Variants in ANKMY2 observed in about 807,000 individuals in gnomAD.
ANKMY2 encodes the protein ankyrin repeat and MYND domain containing 2.
Under a neutral mutation model 50.4 loss-of-function variants are expected in ANKMY2, and 36 were observed. The ratio of observed to expected loss-of-function variants is 0.71; its 90% CI spans 0.55 to 0.94. The LOEUF (loss-of-function observed/expected upper bound fraction) is 0.94, where lower values mean the gene tolerates loss of function less well. Ranked by LOEUF, ANKMY2 falls within the 40% of genes least tolerant of loss-of-function variation. The pLI, the probability that ANKMY2 is intolerant of heterozygous loss-of-function variation, is 0.00. For missense variants in ANKMY2, 565 were observed against 524.0 expected (o/e 1.08, Z -0.76); for synonymous variants, 187 against 178.8 (o/e 1.05, Z -0.36).
chr7:16,616,783 C>T (rs1360747176), intron 4 of ANKMY2, among the ~76,000 whole-genome samples: 1 of 152,246 alleles, frequency 6.6e-6, no homozygotes, highest in African/African-American at 2.4e-5. Context: ...CCATGGCCCC[C>T]GCTCCCGGAG....
At chr7:16,642,520 A>G (rs528121923) in intron 1 of ANKMY2, among the ~76,000 whole-genome samples, 1 of 152,202 alleles carries the variant, frequency 6.6e-6, no homozygotes, top group Non-Finnish European at 1.5e-5. Context: ...GATGGGAATC[A>G]CTTAAATATT....
chr7:16,618,549 C>T (rs769909849), intron 4 of ANKMY2, among the ~76,000 whole-genome samples: 1 of 152,092 alleles, frequency 6.6e-6, no homozygotes, highest in Non-Finnish European at 1.5e-5. Context: ...TTATTAAGTA[C>T]CAGAACACCC....
At chr7:16,634,500 TAA>T (rs1781629872) in intron 2 of ANKMY2, among the ~76,000 whole-genome samples, 1 of 151,550 alleles carries the variant, frequency 6.6e-6, no homozygotes, top group African/African-American at 2.4e-5. Context: ...CCAGGAAGAG[TAA>T]AAGAGAGAAG....
At chr7:16,631,481 G>T (rs1316122406) in intron 2 of ANKMY2, among the ~76,000 whole-genome samples, 1 of 152,096 alleles carries the variant, frequency 6.6e-6, no homozygotes, top group African/African-American at 2.4e-5. Flanking sequence ...TGTAAAATGA[G>T]AATTAACTGG....
At chr7:16,619,394 T>C (rs1315914579) in intron 4 of ANKMY2, among the ~76,000 whole-genome samples, 1 of 152,158 alleles carries the variant, frequency 6.6e-6, no homozygotes, top group Non-Finnish European at 1.5e-5. Flanking sequence ...CCTCAGGTGA[T>C]CCGCCCGCCT....
chr7:16,640,042 C>T (rs751619441), intron 1 of ANKMY2, among the ~76,000 whole-genome samples: 7 of 151,462 alleles, frequency 4.6e-5, no homozygotes, highest in Non-Finnish European at 7.4e-5. Context: ...GGTGCGTGCT[C>T]GTAGTCCTAG....
intron 1 of ANKMY2, among the ~76,000 whole-genome samples, chr7:16,641,101 G>A (rs762708615): frequency 2.6e-4 from 39 of 152,258 alleles, no homozygotes; most frequent in Non-Finnish European, 4.4e-4. Context: ...GGGCGCGGTG[G>A]TGCACGCCTG....
chr7:16,636,806 A>G (rs1429756287), intron 1 of ANKMY2, among the ~76,000 whole-genome samples: 2 of 152,230 alleles, frequency 1.3e-5, no homozygotes, highest in African/African-American at 4.8e-5. Context: ...TCACCATCTG[A>G]AGCTTAAATT....
chr7:16,633,585 T>C (rs1322257163), intron 2 of ANKMY2, among the ~76,000 whole-genome samples: 1 of 152,196 alleles, frequency 6.6e-6, no homozygotes, highest in East Asian at 1.9e-4. Context: ...TGCTTCATTA[T>C]TTGGATTATA....
intron 5 of ANKMY2, among the ~76,000 whole-genome samples, chr7:16,614,757 C>A (rs558711012): frequency 1.3e-5 from 2 of 152,286 alleles, no homozygotes; most frequent in African/African-American, 4.8e-5. Flanking sequence ...GATAGTAACG[C>A]CTTATGTTAA....
chr7:16,634,327 G>A (rs1348755848), intron 2 of ANKMY2, among the ~76,000 whole-genome samples: 1 of 152,142 alleles, frequency 6.6e-6, no homozygotes, highest in Non-Finnish European at 1.5e-5. Flanking sequence ...CATGATCCCT[G>A]AGAAAGGGAA....
chr7:16,644,223 C>T (rs1465314152), intron 1 of ANKMY2, among the ~76,000 whole-genome samples: 1 of 152,210 alleles, frequency 6.6e-6, no homozygotes. Flanking sequence ...ACAGGAAGAA[C>T]TGAAAGACTG....
intron 1 of ANKMY2, chr7:16,644,712 A>C (rs1214854793): frequency 4.2e-6 from 2 of 470,966 alleles, no homozygotes; most frequent in Non-Finnish European, 4.4e-6. Flanking sequence ...TCGGCAGGGA[A>C]CTCCTCTGGG....
At position 16,609,756 on chromosome 7, in the gene ANKMY2, T is replaced by C; in HGVS notation, c.756A>G (p.Lys252=). The C allele has an allele frequency of 6.2e-7, 1 of 1,608,244 alleles. No homozygotes were observed. Among genetic ancestry groups the C allele is most frequent in the Non-Finnish European group, 8.5e-7 (1 of 1,178,160 alleles). ...KLDTLIKSLL[K]GRASDGFPVY... ...CTGGAAAGCCATCAGAAGCTCGGCCTTTTAACAAGCTGAAAGATATTTTTT... is the reference window on the plus strand; with the variant it reads ...CTGGAAAGCCATCAGAAGCTCGGCCCTTTAACAAGCTGAAAGATATTTTTT... Residue 252 remains lysine, a synonymous_variant, in exon 7 of 10, where the codon AAA becomes AAG. Coordinates refer to ENST00000306999, the MANE Select transcript of ANKMY2 (RefSeq NM_020319.3).
rs746543946 is a variant in ANKMY2 at position 16,600,830 on chromosome 7, A to G, written c.1257T>C (p.Ser419=). 2.5e-6 allele frequency: 4 copies of G among 1,613,504 alleles called. No individual in the cohort carries two copies. In the South Asian group the frequency reaches 3.3e-5, roughly 13 times the overall value. The change falls in exon 10 of 10, where the codon TCT becomes TCC. Residue 419 remains serine (S), a synonymous_variant. Coordinates refer to ENST00000306999, the MANE Select transcript of ANKMY2 (RefSeq NM_020319.3). ...PEDSGEGKKE[S]LESEAELEGL... ...CTTCCAACTCAGCTTCGCTTTCAAG[A>G]GATTCTTTCTTTCCTTCCCCGGAAT...
intron 2 of ANKMY2, among the ~76,000 whole-genome samples, chr7:16,633,900 T>A (rs1781621209): frequency 6.6e-6 from 1 of 152,188 alleles, no homozygotes; most frequent in Non-Finnish European, 1.5e-5. Context: ...TCAATGCCTA[T>A]AGCTGATAAG....
Position 16,600,933 on chromosome 7 carries a change from T to A in ANKMY2, c.1154A>T (p.Asp385Val), listed in dbSNP as rs773263711. Residue 385 changes from aspartate (D) to valine (V), a missense_variant, in exon 10 of 10, where the codon GAT becomes GTT. Physicochemically the swap from Asp to Val is radical, Grantham distance 152. Coordinates refer to ENST00000306999, the MANE Select transcript of ANKMY2 (RefSeq NM_020319.3). ...KRQEENHGKL[D>V]VNSNCVNEEQ... ...TTCATTAACACAGTTAGAATTGACATCAAGTTTGCCGTCTGATTAAAAAAA... is the reference window on the plus strand; with the variant it reads ...TTCATTAACACAGTTAGAATTGACAACAAGTTTGCCGTCTGATTAAAAAAA... 3 of 1,590,898 alleles carry A rather than the reference T, an allele frequency of 1.9e-6. No individual in the cohort carries two copies. Among genetic ancestry groups the A allele is most frequent in the East Asian group, 2.2e-5 (1 of 44,464 alleles).
chr7:16,626,564 G>C (rs1781509321), intron 3 of ANKMY2, among the ~76,000 whole-genome samples: 1 of 152,094 alleles, frequency 6.6e-6, no homozygotes, highest in South Asian at 2.1e-4. Context: ...CTTAATTGTA[G>C]ACAGTATTTC....
intron 2 of ANKMY2, among the ~76,000 whole-genome samples, chr7:16,634,299 C>T (rs932109734): frequency 2.0e-5 from 3 of 152,148 alleles, no homozygotes; most frequent in East Asian, 3.9e-4. Context: ...AAGACACTGT[C>T]GGTTAGGCAA....
Sources: gnomAD v4.1 joint callset for allele counts (sites outside exome capture counted in the v4.1 genomes callset) on GRCh38, gnomAD v4.1.1 for gene constraint, MANE v1.5 for transcripts, NCBI Gene and HGNC (gene_info 2026-07-23, HGNC 2026-07-21) for gene names.